The following CACNA1C variants were observed in gnomAD, a reference collection of about 807,000 sequenced individuals.
CACNA1C encodes the protein calcium voltage-gated channel subunit alpha1 C.
A neutral mutation model predicts 229.0 loss-of-function variants in CACNA1C; 30 were observed. That is an observed-to-expected ratio of 0.13 (90% CI 0.10 to 0.18). CACNA1C has a LOEUF of 0.18. CACNA1C is among the 10% of genes least tolerant of loss of function. The pLI, the probability that CACNA1C is intolerant of heterozygous loss-of-function variation, is 1.00. For missense variants in CACNA1C, 1,658 were observed against 2,845.0 expected (o/e 0.58, Z 9.49); for synonymous variants, 1,114 against 1,132.5 (o/e 0.98, Z 0.33).
intron 9 of CACNA1C, among the ~76,000 whole-genome samples, chr12:2,518,462 G>C (rs970282136): frequency 6.6e-6 from 1 of 152,072 alleles, no homozygotes; most frequent in East Asian, 1.9e-4. Flanking sequence ...CAAAAAATTA[G>C]CCAGGAGCGG....
At chr12:2,097,576 T>C (rs1451248141) in intron 1 of CACNA1C, among the ~76,000 whole-genome samples, 1 of 152,226 alleles carries the variant, frequency 6.6e-6, no homozygotes, top group Non-Finnish European at 1.5e-5. Context: ...TTTCTGATTT[T>C]TTCGATAATA....
chr12:2,541,382 C>T (rs1163642525), intron 9 of CACNA1C, among the ~76,000 whole-genome samples: 1 of 152,134 alleles, frequency 6.6e-6, no homozygotes, highest in African/African-American at 2.4e-5. Flanking sequence ...CAAATTATGC[C>T]GCTCATATGC....
chr12:2,179,107 A>T (rs1431261763), intron 3 of CACNA1C, among the ~76,000 whole-genome samples: 2 of 152,190 alleles, frequency 1.3e-5, no homozygotes, highest in Non-Finnish European at 2.9e-5. Context: ...GATAGATGTG[A>T]TGGCGGTCTT....
chr12:2,437,807 A>ATGATGGTGGTGGTGG (rs1567675980), intron 3 of CACNA1C, among the ~76,000 whole-genome samples: 3 of 97,554 alleles, frequency 3.1e-5, no homozygotes, highest in Non-Finnish European at 6.5e-5. Flanking sequence ...GGGGATGGTG[A>ATGATGGTGGTGGTGG]TGATGGTGGT....
chr12:2,102,671 G>A (rs1160333522), intron 1 of CACNA1C, among the ~76,000 whole-genome samples: 2 of 152,132 alleles, frequency 1.3e-5, no homozygotes, highest in Non-Finnish European at 2.9e-5. Context: ...TGCCGTGGTG[G>A]TTTGCTTCGC....
In CACNA1C at chr12:2,498,002, C is replaced by A. The variant is rs187075381; in HGVS notation, c.1113+4616C>A. Among the ~76,000 whole-genome samples, 536 of 149,930 alleles carry A rather than the reference C, an allele frequency of 3.6e-3. 3 individuals are homozygous for A. The highest frequency in any genetic ancestry group is 0.013 in the African/African-American group (511 of 40,022). The stretch of plus-strand genomic sequence containing the variant: ...ACACACACACACACACACACACACA[C>A]AACAGCTATTAATCTCTTGGTATTG... On this transcript the variant is annotated intron_variant, in intron 7 of 46. Transcript: ENST00000399655.
chr12:2,206,450 T>G (rs565483998), intron 3 of CACNA1C, among the ~76,000 whole-genome samples: 2 of 152,304 alleles, frequency 1.3e-5, no homozygotes, highest in South Asian at 4.1e-4. Context: ...ATTCTAGATT[T>G]CACCGCTGAG....
chr12:2,066,454 T>C (rs1220371236), intron 1 of CACNA1C, among the ~76,000 whole-genome samples: 1 of 151,904 alleles, frequency 6.6e-6, no homozygotes, highest in Non-Finnish European at 1.5e-5. Flanking sequence ...CAGGAGAGCA[T>C]TTCCAGGAGG....
intron 11 of CACNA1C, among the ~76,000 whole-genome samples, chr12:2,562,667 G>A (rs537306988): frequency 5.9e-5 from 9 of 152,250 alleles, no homozygotes; most frequent in East Asian, 5.8e-4. Context: ...ATCCTCCCTC[G>A]GATCCAGGGC....
rs527872000 is a variant in CACNA1C at position 2,216,184 on chromosome 12, G to A, written c.477+95754G>A. Among the ~76,000 whole-genome samples, 3 of 152,312 alleles carry A rather than the reference G, an allele frequency of 2.0e-5. No individual in the cohort carries two copies. In the East Asian group the frequency reaches 5.8e-4, roughly 29 times the overall value. On this transcript the variant is annotated intron_variant, in intron 3 of 46. Transcript: ENST00000399655. ...GCCAGGGCTTAGGGATGAAATGTGA[G>A]GATGGGGAGGGGCCTCTTGAGCTGG...
intron 1 of CACNA1C, among the ~76,000 whole-genome samples, chr12:1,999,022 A>G (rs1473486644): frequency 6.6e-6 from 1 of 152,250 alleles, no homozygotes; most frequent in Non-Finnish European, 1.5e-5. Context: ...AGGCAATTTC[A>G]GCAAATTTCT....
intron 3 of CACNA1C, among the ~76,000 whole-genome samples, chr12:2,250,843 A>G (rs1382199087): frequency 2.0e-5 from 3 of 152,166 alleles, no homozygotes; most frequent in African/African-American, 4.8e-5. Flanking sequence ...CACCCAGAAT[A>G]ATAGCTCTAC....
intron 3 of CACNA1C, among the ~76,000 whole-genome samples, chr12:2,345,882 T>C (rs73605780): frequency 0.02 from 3,058 of 152,306 alleles, 113 homozygotes; most frequent in African/African-American, 0.07. Flanking sequence ...CCGCTCTTCC[T>C]TGGGCCAAAT....
intron 3 of CACNA1C, among the ~76,000 whole-genome samples, chr12:2,256,671 A>G (rs1482691454): frequency 6.6e-6 from 1 of 152,164 alleles, no homozygotes; most frequent in Admixed American, 6.5e-5. Flanking sequence ...AAATGAGGAC[A>G]TCGGCAGGTC....
At chr12:2,418,016 C>G (rs972796466) in intron 3 of CACNA1C, among the ~76,000 whole-genome samples, 13 of 152,144 alleles carry the variant, frequency 8.5e-5, no homozygotes, top group Admixed American at 1.3e-4. Context: ...TGTTACTGGG[C>G]TTACATCAAG....
chr12:2,549,700 A>T (rs1213377257), intron 9 of CACNA1C, among the ~76,000 whole-genome samples: 2 of 152,218 alleles, frequency 1.3e-5, no homozygotes, highest in African/African-American at 2.4e-5. Context: ...AAATGCTCTT[A>T]TTACCAGATG....
At chr12:2,448,130 C>T (rs1374268246) in intron 3 of CACNA1C, among the ~76,000 whole-genome samples, 2 of 152,202 alleles carry the variant, frequency 1.3e-5, no homozygotes, top group Admixed American at 6.5e-5. Context: ...AGTCGGCTGG[C>T]TCTAATTGAG....
At chr12:2,254,441 C>T (rs1181814459) in intron 3 of CACNA1C, among the ~76,000 whole-genome samples, 1 of 152,202 alleles carries the variant, frequency 6.6e-6, no homozygotes, top group East Asian at 1.9e-4. Context: ...CTCTGTAACC[C>T]TGTATTTTCT....
At chr12:2,552,396 T>C (rs1260091918) in intron 10 of CACNA1C, among the ~76,000 whole-genome samples, 4 of 152,216 alleles carry the variant, frequency 2.6e-5, no homozygotes, top group African/African-American at 9.6e-5. Context: ...TAATTTGGAC[T>C]GGCAGGTTAG....
Sources: gnomAD v4.1 joint callset for allele counts (sites outside exome capture counted in the v4.1 genomes callset) on GRCh38, gnomAD v4.1.1 for gene constraint, MANE v1.5 for transcripts, NCBI Gene and HGNC (gene_info 2026-07-23, HGNC 2026-07-21) for gene names.